Variants in EPB41 observed in about 807,000 individuals in gnomAD.
EPB41 encodes the protein protein 4.1.
Under a neutral mutation model 108.0 loss-of-function variants are expected in EPB41, and 65 were observed. The observed-to-expected ratio is 0.60, with a 90% CI of 0.49 to 0.74. EPB41 has a LOEUF of 0.74. EPB41 is among the 30% of genes least tolerant of loss of function. EPB41 has a pLI of 0.00. For missense variants in EPB41, 875 were observed against 1,037.0 expected, an observed-to-expected ratio of 0.84 and a Z score of 2.15; for synonymous variants, 336 against 358.9, an observed-to-expected ratio of 0.94 and a Z score of 0.72.
At chr1:29,091,320 G>A (rs1429247370) in intron 16 of EPB41, among the ~76,000 whole-genome samples, 1 of 152,188 alleles carries the variant, frequency 6.6e-6, no homozygotes, top group Non-Finnish European at 1.5e-5. Flanking sequence ...TCCTCTCCAT[G>A]TGAATGGGTT....
At chr1:28,923,230 G>C (rs2093240570) in intron 1 of EPB41, among the ~76,000 whole-genome samples, 1 of 150,074 alleles carries the variant, frequency 6.7e-6, no homozygotes, top group African/African-American at 2.5e-5. Flanking sequence ...CAAGTAGCTG[G>C]GATTACAGGC....
intron 7 of EPB41, among the ~76,000 whole-genome samples, chr1:29,023,945 C>T (rs2096680470): frequency 6.6e-6 from 1 of 151,746 alleles, no homozygotes; most frequent in Admixed American, 6.6e-5. Flanking sequence ...AAAATAAGGG[C>T]AATAATGTGA....
intron 16 of EPB41, among the ~76,000 whole-genome samples, chr1:29,077,720 A>G (rs1178526237): frequency 2.0e-5 from 3 of 152,172 alleles, no homozygotes; most frequent in East Asian, 1.9e-4. Flanking sequence ...TGCAGGCTAT[A>G]TGGTCTGTCA....
chr1:28,960,585 T>TA (rs908681353), intron 1 of EPB41, among the ~76,000 whole-genome samples: 41 of 141,302 alleles, frequency 2.9e-4, no homozygotes, highest in Admixed American at 4.3e-4. Flanking sequence ...AAAAAAAACT[T>TA]AAAAAAAAAA....
chr1:28,912,378 G>A (rs188261895), upstream of EPB41, among the ~76,000 whole-genome samples: 1 of 152,132 alleles, frequency 6.6e-6, no homozygotes, highest in Non-Finnish European at 1.5e-5. Flanking sequence ...AGATGGTATA[G>A]TCAGGTGGTT....
intron 1 of EPB41, among the ~76,000 whole-genome samples, chr1:28,932,525 CT>C (rs533610478): frequency 2.1e-5 from 3 of 140,698 alleles, no homozygotes; most frequent in Admixed American, 1.4e-4. Flanking sequence ...AAGCAGATAT[CT>C]TTTTTTTCCC....
intron 1 of EPB41, among the ~76,000 whole-genome samples, chr1:28,894,108 G>T (rs1569943986): frequency 1.3e-5 from 2 of 152,164 alleles, no homozygotes. Flanking sequence ...ATACAGGTGG[G>T]TGATTCTTTG....
At chr1:29,101,262 T>A (rs1023586992) in intron 17 of EPB41, among the ~76,000 whole-genome samples, 3 of 151,906 alleles carry the variant, frequency 2.0e-5, no homozygotes, top group Non-Finnish European at 4.4e-5. Context: ...GAAATAGAAT[T>A]TGTATCCTAG....
chr1:29,034,873 C>T (rs905277916), intron 9 of EPB41, among the ~76,000 whole-genome samples: 3 of 151,404 alleles, frequency 2.0e-5, no homozygotes, highest in Non-Finnish European at 4.4e-5. Flanking sequence ...AGTTTTCTCA[C>T]CACAAAAAAA....
At chr1:28,900,546 C>T (rs1013492935) in intron 1 of EPB41, among the ~76,000 whole-genome samples, 1 of 152,094 alleles carries the variant, frequency 6.6e-6, no homozygotes, top group African/African-American at 2.4e-5. Context: ...TCTCAGCCTC[C>T]CAAAGTGCTG....
intron 4 of EPB41, 45 bp from the exon 5 acceptor site, chr1:29,011,820 A>T (rs573420809): frequency 5.9e-5 from 95 of 1,608,496 alleles, no homozygotes; most frequent in Admixed American, 3.4e-4. Context: ...TCTGTTGTTT[A>T]TGTGTTTTGG....
At chr1:29,109,639 C>T in intron 18 of EPB41, 3 of 621,854 alleles carry the variant, frequency 4.8e-6, no homozygotes, top group Non-Finnish European at 8.7e-6. Context: ...GAGAGTATCC[C>T]TGCCTACTTA....
At chr1:29,074,921 G>C (rs2151159724) in intron 16 of EPB41, among the ~76,000 whole-genome samples, 1 of 152,334 alleles carries the variant, frequency 6.6e-6, no homozygotes, top group South Asian at 2.1e-4. Flanking sequence ...CACTTTGGGA[G>C]GCTGAGGCGG....
chr1:29,037,719 T>C (rs923721390), intron 10 of EPB41, among the ~76,000 whole-genome samples: 7 of 151,922 alleles, frequency 4.6e-5, no homozygotes, highest in African/African-American at 1.7e-4. Context: ...AAATTTTTAG[T>C]AGAGACCGGG....
At chr1:28,916,290 G>T (rs1427025658) in intron 1 of EPB41, among the ~76,000 whole-genome samples, 1 of 152,160 alleles carries the variant, frequency 6.6e-6, no homozygotes, top group African/African-American at 2.4e-5. Flanking sequence ...GGTAAATATA[G>T]ATATTATTCA....
intron 4 of EPB41, among the ~76,000 whole-genome samples, chr1:29,005,639 G>C (rs1289619117): frequency 6.6e-6 from 1 of 152,192 alleles, no homozygotes; most frequent in Non-Finnish European, 1.5e-5. Context: ...ATAGCAGTAA[G>C]ATGGACACCC....
chr1:28,890,318 G>A (rs996477267), intron 1 of EPB41, among the ~76,000 whole-genome samples: 97 of 152,220 alleles, frequency 6.4e-4, no homozygotes, highest in African/African-American at 2.2e-3. Context: ...GATTACAGGC[G>A]TGAGCCACCG....
At position 28,978,999 on chromosome 1, in the gene EPB41, A is replaced by G. The variant is rs189548660; in HGVS notation, c.-7-8432A>G. 2.0e-5 allele frequency among the ~76,000 whole-genome samples: 3 copies of G among 151,412 alleles called. No individual in the cohort carries two copies. In the East Asian group the frequency reaches 5.8e-4, roughly 29 times the overall value. ...AATCATGTGAGCCAATTCCCCTAGT[A>G]AATCCTCTGTCATGTATCTATATAC... On this transcript the variant is annotated intron_variant, in intron 1 of 20. Transcript: ENST00000343067.
chr1:29,096,242 C>T (rs943137813), intron 16 of EPB41: 1 of 985,870 alleles, frequency 1.0e-6, no homozygotes. Flanking sequence ...GGGTCCCAAG[C>T]ATTCGGTAGT....
Sources: gnomAD v4.1 joint callset for allele counts (sites outside exome capture counted in the v4.1 genomes callset) on GRCh38, gnomAD v4.1.1 for gene constraint, MANE v1.5 for transcripts, NCBI Gene and HGNC (gene_info 2026-07-23, HGNC 2026-07-21) for gene names.